Variants in SRBD1 observed in about 807,000 individuals in gnomAD.
SRBD1 encodes S1 RNA binding domain 1.
In SRBD1, 88 loss-of-function variants were observed where a neutral mutation model predicts 115.3. The ratio of observed to expected loss-of-function variants is 0.76; its 90% CI spans 0.64 to 0.91. The LOEUF is 0.91. SRBD1 is among the 40% of genes least tolerant of loss of function. SRBD1 has a pLI of 0.00. For synonymous variants in SRBD1, 509 were observed against 407.7 expected (o/e 1.25, Z -2.99); for missense variants, 1,385 against 1,177.4 (o/e 1.18, Z -2.58).
At chr2:45,494,331 A>G (rs1558432798) in intron 14 of SRBD1, among the ~76,000 whole-genome samples, 1 of 152,162 alleles carries the variant, frequency 6.6e-6, no homozygotes, top group Non-Finnish European at 1.5e-5. Flanking sequence ...TTAAAAATGT[A>G]AGAACAATTA....
chr2:45,473,669 G>C (rs1284654947), intron 16 of SRBD1, among the ~76,000 whole-genome samples: 2 of 152,006 alleles, frequency 1.3e-5, no homozygotes, highest in East Asian at 3.9e-4. Context: ...TCAATAATAG[G>C]ACTGTTGTCA....
At chr2:45,459,928 T>C (rs1218611388) in intron 16 of SRBD1, among the ~76,000 whole-genome samples, 1 of 152,104 alleles carries the variant, frequency 6.6e-6, no homozygotes, top group Non-Finnish European at 1.5e-5. Flanking sequence ...AAGATCTTTA[T>C]CTCTCAGGGA....
chr2:45,567,178 A>T (rs545597791), intron 9 of SRBD1, among the ~76,000 whole-genome samples: 37 of 152,330 alleles, frequency 2.4e-4, no homozygotes, highest in African/African-American at 8.7e-4. Context: ...TTTAAATTTT[A>T]AAAATATTGA....
chr2:45,489,801 C>T (rs1008577852), intron 14 of SRBD1, among the ~76,000 whole-genome samples: 1 of 152,124 alleles, frequency 6.6e-6, no homozygotes, highest in East Asian at 1.9e-4. Flanking sequence ...GAGCCCTTAA[C>T]CAGCACAACC....
At position 45,415,442 on chromosome 2, in the gene SRBD1, TA is replaced by T. The variant is rs568631123; in HGVS notation, c.2334-2150del. On this transcript the variant is annotated intron_variant, in intron 18 of 20. Coordinates refer to ENST00000263736, the MANE Select transcript of SRBD1 (RefSeq NM_018079.5). ...GTGTATATGTGTATATACACACATT[TA>T]AAAAACAAAAATATACATCTATAAG... Among the ~76,000 whole-genome samples, 249 of 144,196 alleles carry T rather than the reference TA, an allele frequency of 1.7e-3. 2 individuals are homozygous for T. Among genetic ancestry groups the T allele is most frequent in the Non-Finnish European group, 3.0e-3 (198 of 65,628 alleles). 94.6% of individuals were successfully genotyped at this position (144,196 alleles called of 152,430 possible).
intron 15 of SRBD1, among the ~76,000 whole-genome samples, chr2:45,482,613 A>AAC (rs70937962): frequency 0.017 from 2,505 of 148,622 alleles, 52 homozygotes; most frequent in East Asian, 0.093. Context: ...CACAACGTTA[A>AAC]ACACACACAC....
chr2:45,392,691 A>G (rs1667036189), intron 20 of SRBD1, among the ~76,000 whole-genome samples: 1 of 152,252 alleles, frequency 6.6e-6, no homozygotes, highest in Non-Finnish European at 1.5e-5. Flanking sequence ...CAGTACATGC[A>G]TGATGCATTT....
Position 45,599,765 on chromosome 2 carries a change from A to AGAGTCT in SRBD1, c.326_331dup (p.Gln109_Thr110dup). On this transcript the variant is annotated inframe_insertion, in exon 4 of 21. Coordinates refer to ENST00000263736, the MANE Select transcript of SRBD1 (RefSeq NM_018079.5). The stretch of plus-strand genomic sequence containing the variant: ...TTTCTGTTTTGTCTTGGCTGTTTTC[A>AGAGTCT]GAGTCTGTACAGTATCCAATTTATT... 1 of 1,614,170 alleles carries AGAGTCT rather than the reference A, an allele frequency of 6.2e-7. No homozygotes were observed. The highest frequency in any genetic ancestry group is 1.3e-5 in the African/African-American group (1 of 75,036).
rs1219317496 is a variant in SRBD1 at position 45,574,675 on chromosome 2, G to A, written c.1121C>T (p.Ala374Val). The A allele has an allele frequency of 5.6e-6, 9 of 1,613,668 alleles. No individual in the cohort carries two copies. Among genetic ancestry groups the A allele is most frequent in the Non-Finnish European group, 7.6e-6 (9 of 1,179,890 alleles). Reference protein sequence around the residue: ...DIEIGVQHILADMIAKDKDTL... With the variant: ...DIEIGVQHILVDMIAKDKDTL... Reference sequence around the variant, plus strand: ...GTCTTTGTCTTTAGCAATCATATCTGCTAAAATATGCTGCACTCCTATTTC... The same window carrying A: ...GTCTTTGTCTTTAGCAATCATATCTACTAAAATATGCTGCACTCCTATTTC... Residue 374 changes from alanine (A) to valine (V), a missense_variant, in exon 8 of 21, where the codon GCA becomes GTA. Ala to Val is a moderately conservative substitution (Grantham distance 64). Coordinates refer to ENST00000263736, the MANE Select transcript of SRBD1 (RefSeq NM_018079.5).
At chr2:45,515,898 G>C (rs1671103481) in intron 14 of SRBD1, among the ~76,000 whole-genome samples, 1 of 152,010 alleles carries the variant, frequency 6.6e-6, no homozygotes, top group Non-Finnish European at 1.5e-5. Flanking sequence ...CATAATCACT[G>C]GGCATGGTGG....
intron 19 of SRBD1, among the ~76,000 whole-genome samples, chr2:45,394,849 C>T (rs746836550): frequency 6.6e-6 from 1 of 152,162 alleles, no homozygotes; most frequent in Non-Finnish European, 1.5e-5. Context: ...AATACCAAAA[C>T]GTTGGTGTTT....
At chr2:45,587,833 T>C (rs1170143020) in intron 4 of SRBD1, among the ~76,000 whole-genome samples, 2 of 152,214 alleles carry the variant, frequency 1.3e-5, no homozygotes, top group Admixed American at 1.3e-4. Context: ...ACACATTCTC[T>C]TGGAAATCTA....
intron 14 of SRBD1, among the ~76,000 whole-genome samples, chr2:45,511,486 A>G (rs1176099714): frequency 3.3e-5 from 5 of 152,220 alleles, no homozygotes; most frequent in African/African-American, 1.2e-4. Context: ...CTAAAACTTT[A>G]TGTCAAGGAA....
At chr2:45,393,403 G>C (rs1667059820) in intron 19 of SRBD1, among the ~76,000 whole-genome samples, 1 of 152,166 alleles carries the variant, frequency 6.6e-6, no homozygotes, top group Non-Finnish European at 1.5e-5. Context: ...TTGTTGTTGA[G>C]ACAGTCTTGC....
intron 16 of SRBD1, among the ~76,000 whole-genome samples, chr2:45,443,134 T>C (rs866459476): frequency 6.6e-6 from 1 of 152,314 alleles, no homozygotes; most frequent in South Asian, 2.1e-4. Flanking sequence ...GGATCTGACA[T>C]ACTTTTTAAA....
chr2:45,468,611 C>T (rs1257231914), intron 16 of SRBD1, among the ~76,000 whole-genome samples: 2 of 152,096 alleles, frequency 1.3e-5, no homozygotes, highest in Non-Finnish European at 2.9e-5. Context: ...CTGTCTCAAA[C>T]TCCTGGGCTC....
At chr2:45,417,574 G>T (rs1025229786) in intron 18 of SRBD1, among the ~76,000 whole-genome samples, 1 of 152,132 alleles carries the variant, frequency 6.6e-6, no homozygotes, top group African/African-American at 2.4e-5. Flanking sequence ...AAATTATAAA[G>T]TCCATATGAA....
At chr2:45,564,799 G>T (rs1006598492) in intron 9 of SRBD1, among the ~76,000 whole-genome samples, 2 of 152,084 alleles carry the variant, frequency 1.3e-5, no homozygotes, top group Non-Finnish European at 2.9e-5. Context: ...AGTAATTGCA[G>T]GATCTGAAAC....
chr2:45,553,459 T>C (rs1197431936), intron 11 of SRBD1, among the ~76,000 whole-genome samples, 164 bp downstream of exon 11: 4 of 152,218 alleles, frequency 2.6e-5, no homozygotes, highest in Non-Finnish European at 5.9e-5. Flanking sequence ...TGCATGTGAA[T>C]GCATCTACAG....
Sources: gnomAD v4.1 joint callset for allele counts (sites outside exome capture counted in the v4.1 genomes callset) on GRCh38, gnomAD v4.1.1 for gene constraint, MANE v1.5 for transcripts, NCBI Gene and HGNC (gene_info 2026-07-23, HGNC 2026-07-21) for gene names.